Variants in CUL4A observed in about 807,000 individuals in gnomAD.
CUL4A encodes cullin-4A.
CUL4A carries 16 observed loss-of-function variants against 95.5 expected under a neutral mutation model. That is an observed-to-expected ratio of 0.17 (90% CI 0.11 to 0.25). The LOEUF (loss-of-function observed/expected upper bound fraction) is 0.25. Among genes scored for constraint, CUL4A ranks in the 10% least tolerant of loss-of-function variants. CUL4A has a pLI of 1.00. For synonymous variants in CUL4A, 380 were observed against 353.1 expected (o/e 1.08, Z -0.85); for missense variants, 610 against 937.0 (o/e 0.65, Z 4.56).
At chr13:113,253,698 C>T (rs377505207) in intron 16 of CUL4A, among the ~76,000 whole-genome samples, 2 of 152,136 alleles carry the variant, frequency 1.3e-5, no homozygotes, top group Non-Finnish European at 2.9e-5. Context: ...TTAGTTTCAA[C>T]TCTAGGAACT....
At chr13:113,233,752 A>C in intron 6 of CUL4A, 145 bp from the exon 7 acceptor site, 1 of 638,912 alleles carries the variant, frequency 1.6e-6, no homozygotes, top group Non-Finnish European at 2.8e-6. Flanking sequence ...TTTGGGAAGG[A>C]CAGTGCAGCC....
chr13:113,234,590 C>A (rs988759806), intron 7 of CUL4A, among the ~76,000 whole-genome samples: 1 of 152,218 alleles, frequency 6.6e-6, no homozygotes, highest in Admixed American at 6.5e-5. Flanking sequence ...AGGCCTTTCC[C>A]GCACTGTCTT....
At chr13:113,246,978 C>G (rs768317906) in intron 15 of CUL4A, among the ~76,000 whole-genome samples, 4 of 152,130 alleles carry the variant, frequency 2.6e-5, no homozygotes, top group Non-Finnish European at 5.9e-5. Flanking sequence ...TTCATTGGCT[C>G]ATGGTTCTGC....
At chr13:113,260,788 T>G (rs116423565) in intron 19 of CUL4A, 29 bp downstream of exon 19, 8 of 1,478,698 alleles carry the variant, frequency 5.4e-6, no homozygotes, top group Non-Finnish European at 7.4e-6. Flanking sequence ...TAATTAAATT[T>G]GTAGTATTTG....
chr13:113,254,897 T>C (rs2042083025), intron 17 of CUL4A, 56 bp from the exon 18 acceptor site: 3 of 1,599,846 alleles, frequency 1.9e-6, no homozygotes, highest in Non-Finnish European at 2.6e-6. Context: ...TGGTTTACTG[T>C]TGTTGAGTCT....
intron 2 of CUL4A, among the ~76,000 whole-genome samples, chr13:113,212,125 A>T (rs1384369139): frequency 6.6e-6 from 1 of 152,202 alleles, no homozygotes; most frequent in Non-Finnish European, 1.5e-5. Flanking sequence ...TGTCTATTTA[A>T]ATATTTTGCT....
intron 11 of CUL4A, 98 bp downstream of exon 11, chr13:113,243,258 C>A: frequency 8.7e-7 from 1 of 1,146,330 alleles, no homozygotes; most frequent in Non-Finnish European, 1.2e-6. Flanking sequence ...CAAAATCAAC[C>A]AAAATGTTCA....
intron 18 of CUL4A, among the ~76,000 whole-genome samples, chr13:113,258,110 C>T (rs917705064): frequency 3.3e-5 from 5 of 152,032 alleles, no homozygotes; most frequent in African/African-American, 7.2e-5. Flanking sequence ...TGGGCTCAAG[C>T]GATCCTCCCA....
At position 113,264,138 on chromosome 13, in the gene CUL4A, A is replaced by G. The variant is rs2042357594; in HGVS notation, c.*556A>G. The G allele has an allele frequency of 6.6e-6, 1 of 152,182 alleles. No individual in the cohort carries two copies. The highest frequency in any genetic ancestry group is 6.5e-5 in the Admixed American group (1 of 15,270). The allele number at this position is 152,182 out of a possible 1,614,324, so 9.4% of individuals were successfully genotyped here. On this transcript the variant is annotated 3_prime_UTR_variant, in exon 20 of 20. Coordinates refer to ENST00000375440, the MANE Select transcript of CUL4A (RefSeq NM_001008895.4). ...CCACTGGCCCCTCTCTGTTTCATGT[A>G]TTTCCAAAAGTTGTAAACTTTGATG...
At chr13:113,208,569 G>A (rs1414005456), upstream of CUL4A, 1 of 1,604,350 alleles carries the variant, frequency 6.2e-7, no homozygotes, top group South Asian at 1.1e-5. Context: ...GGCCAACCAC[G>A]CCGCCGCGCG....
chr13:113,251,010 G>GAA (rs1487243878), intron 15 of CUL4A, among the ~76,000 whole-genome samples: 7 of 152,128 alleles, frequency 4.6e-5, no homozygotes, highest in African/African-American at 1.7e-4. Flanking sequence ...AGCTTAGACA[G>GAA]AAACACAGAG....
chr13:113,243,742 A>G (rs1481773749), intron 11 of CUL4A, among the ~76,000 whole-genome samples: 3 of 152,160 alleles, frequency 2.0e-5, no homozygotes, highest in African/African-American at 7.2e-5. Flanking sequence ...TTCCATTACA[A>G]AATGTTTAAA....
chr13:113,217,702 T>G (rs1211807549), intron 2 of CUL4A, among the ~76,000 whole-genome samples: 1 of 152,232 alleles, frequency 6.6e-6, no homozygotes, highest in Admixed American at 6.5e-5. Flanking sequence ...CTAATTAAAT[T>G]CAGATTATTT....
intron 19 of CUL4A, chr13:113,262,776 C>A (rs1016839178): frequency 1.3e-5 from 2 of 152,492 alleles, no homozygotes; most frequent in East Asian, 3.8e-4. Context: ...TCGGGTCTGC[C>A]TCACTTATAC....
intron 5 of CUL4A, 194 bp downstream of exon 5, chr13:113,229,713 G>C (rs2041241342): frequency 1.8e-6 from 1 of 559,136 alleles, no homozygotes; most frequent in South Asian, 2.4e-5. Flanking sequence ...CTAGCCAGCA[G>C]CAAGGAGTGG....
intron 8 of CUL4A, 126 bp downstream of exon 8, chr13:113,235,271 C>A (rs1190907032): frequency 3.2e-6 from 2 of 622,880 alleles, no homozygotes; most frequent in Non-Finnish European, 5.6e-6. Context: ...TTGCACCTAG[C>A]ATATTTTACT....
chr13:113,210,303 A>G (rs888910337), intron 2 of CUL4A, among the ~76,000 whole-genome samples: 4 of 152,366 alleles, frequency 2.6e-5, no homozygotes, highest in East Asian at 1.9e-4. Flanking sequence ...GCTTAGAACC[A>G]TATTTAAAGT....
chr13:113,258,329 T>C (rs1014346263), intron 18 of CUL4A, among the ~76,000 whole-genome samples: 2 of 152,202 alleles, frequency 1.3e-5, no homozygotes, highest in African/African-American at 4.8e-5. Flanking sequence ...CCTATAACTT[T>C]ATTCTTCCAA....
chr13:113,223,164 G>T (rs1161863064), intron 3 of CUL4A, among the ~76,000 whole-genome samples: 1 of 152,160 alleles, frequency 6.6e-6, no homozygotes, highest in Non-Finnish European at 1.5e-5. Context: ...GTGCGTTGGG[G>T]ACCAGGGACA....
Sources: gnomAD v4.1 joint callset for allele counts (sites outside exome capture counted in the v4.1 genomes callset) on GRCh38, gnomAD v4.1.1 for gene constraint, MANE v1.5 for transcripts, NCBI Gene and HGNC (gene_info 2026-07-23, HGNC 2026-07-21) for gene names.